The following SLC6A15 variants were observed in gnomAD, a reference collection of about 807,000 sequenced individuals.
SLC6A15 encodes the protein solute carrier family 6 member 15, also known as sodium-dependent neutral amino acid transporter B(0)AT2.
SLC6A15 carries 33 observed loss-of-function variants against 68.5 expected under a neutral mutation model. That is an observed-to-expected ratio of 0.48 (90% confidence interval 0.37 to 0.64). The LOEUF is 0.64. SLC6A15 is among the 30% of genes least tolerant of loss of function. SLC6A15 has a pLI of 0.00. For missense variants in SLC6A15, 747 were observed against 874.3 expected (o/e 0.85, Z 1.84); for synonymous variants, 347 against 301.0 (o/e 1.15, Z -1.58).
At chr12:84,874,554 C>A (rs748010187) in intron 6 of SLC6A15, 1 of 152,174 alleles carries the variant, frequency 6.6e-6, no homozygotes, top group Non-Finnish European at 1.5e-5. Flanking sequence ...AATCCATATT[C>A]TCTCAAACAA....
At chr12:84,863,400 A>T (rs201459067) in intron 11 of SLC6A15, 39 bp downstream of exon 11, 1 of 1,492,252 alleles carries the variant, frequency 6.7e-7, no homozygotes, top group Non-Finnish European at 8.9e-7. Flanking sequence ...AGCTTTTTAT[A>T]TATCTTTTAA....
intron 9 of SLC6A15, 145 bp from the exon 10 acceptor site, chr12:84,867,338 C>T (rs1867531644): frequency 1.9e-6 from 1 of 531,908 alleles, no homozygotes; most frequent in Non-Finnish European, 3.0e-6. Flanking sequence ...TGATACATGG[C>T]ATATAACCTA....
At chr12:84,906,727 C>T (rs1873176119) in intron 1 of SLC6A15, among the ~76,000 whole-genome samples, 1 of 152,042 alleles carries the variant, frequency 6.6e-6, no homozygotes, top group South Asian at 2.1e-4. Flanking sequence ...ATTGGACATC[C>T]CTAGGCAAAA....
intron 1 of SLC6A15, 128 bp downstream of exon 1, chr12:84,912,395 C>A (rs76107006): frequency 0.016 from 2,476 of 152,668 alleles, 90 homozygotes; most frequent in East Asian, 0.063. Context: ...CACCCCAGGA[C>A]GCAGCGAGTC....
chr12:84,904,498 T>A (rs1873048640), intron 1 of SLC6A15, among the ~76,000 whole-genome samples: 1 of 152,214 alleles, frequency 6.6e-6, no homozygotes, highest in African/African-American at 2.4e-5. Context: ...ATTACTTATG[T>A]ATTGGATTTA....
intron 11 of SLC6A15, 146 bp from the exon 12 acceptor site, chr12:84,862,152 C>G: frequency 1.3e-6 from 1 of 749,706 alleles, no homozygotes; most frequent in East Asian, 2.8e-5. Context: ...AGAAGTGACA[C>G]TCAGCAACTT....
intron 1 of SLC6A15, among the ~76,000 whole-genome samples, chr12:84,907,364 C>CA (rs113002334): frequency 3.8e-4 from 56 of 148,910 alleles, no homozygotes; most frequent in African/African-American, 9.9e-4. Context: ...AAACAAAAAA[C>CA]AAAAAAAAAC....
intron 1 of SLC6A15, among the ~76,000 whole-genome samples, chr12:84,907,396 A>T (rs930363086): frequency 6.6e-6 from 1 of 152,112 alleles, no homozygotes; most frequent in Non-Finnish European, 1.5e-5. Context: ...AAATAAAATA[A>T]GAAAACAGGT....
At chr12:84,871,519 A>G (rs1389060429) in intron 8 of SLC6A15, among the ~76,000 whole-genome samples, 4 of 152,140 alleles carry the variant, frequency 2.6e-5, no homozygotes, top group African/African-American at 9.7e-5. Flanking sequence ...ACTTTGTCTA[A>G]CTAACTGTAC....
At chr12:84,889,017 C>A (rs752507437) in intron 2 of SLC6A15, among the ~76,000 whole-genome samples, 13 of 152,152 alleles carry the variant, frequency 8.5e-5, no homozygotes, top group Non-Finnish European at 1.3e-4. Flanking sequence ...CCTTGAAGAT[C>A]CTCATTCCGG....
rs1321917284 is a variant in SLC6A15 at position 84,912,796 on chromosome 12, G to GT, written c.-463dup. On this transcript the variant is annotated 5_prime_UTR_variant, in exon 1 of 12. Coordinates refer to ENST00000266682, the MANE Select transcript of SLC6A15 (RefSeq NM_182767.6). ...CGGGTGCGGGTGCGCGTGTACATGC[G>GT]TATGTGTGTGTGCGCGCGCGCGTGT... is the stretch of plus-strand genomic sequence containing the variant. 6.5e-6 allele frequency: 1 copy of GT among 153,184 alleles called. No individual in the cohort carries two copies. The highest frequency in any genetic ancestry group is 2.4e-5 in the African/African-American group (1 of 41,432). The allele number at this position is 153,184 out of a possible 1,614,324, so 9.5% of individuals were successfully genotyped here. A position where few individuals can be genotyped will look rare whatever the true frequency, so the allele number is the denominator to read the frequency against.
At chr12:84,902,733 T>A (rs1872943613) in intron 1 of SLC6A15, among the ~76,000 whole-genome samples, 1 of 152,036 alleles carries the variant, frequency 6.6e-6, no homozygotes, top group African/African-American at 2.4e-5. Context: ...GTGAAAACAA[T>A]ATAAAAATGC....
intron 1 of SLC6A15, among the ~76,000 whole-genome samples, chr12:84,897,943 T>C (rs1042989739): frequency 6.6e-6 from 1 of 151,996 alleles, no homozygotes; most frequent in African/African-American, 2.4e-5. Context: ...GGGACAATTG[T>C]GAATTAAATT....
chr12:84,874,748 G>A (rs532491126), intron 6 of SLC6A15, among the ~76,000 whole-genome samples: 1 of 152,076 alleles, frequency 6.6e-6, no homozygotes, highest in East Asian at 1.9e-4. Context: ...CCACTAGATG[G>A]CAGAAAAGAC....
At position 84,891,956 on chromosome 12, in the gene SLC6A15, A is replaced by G; in HGVS notation, c.165T>C (p.Ser55=). 2 of 1,614,038 alleles carry G rather than the reference A, an allele frequency of 1.2e-6. No homozygotes were observed. The highest frequency in any genetic ancestry group is 1.7e-6 in the Non-Finnish European group (2 of 1,180,004). ...EEKDTDVEEG[S]EVEDERPAWN... is the part of the protein sequence containing the mutation. ...AAGCTGGTCTTTCATCTTCGACTTC[A>G]GATCCTTCTTCAACATCTGTATCTT... The change falls in exon 2 of 12, where the codon TCT becomes TCC. Residue 55 remains serine (S), a synonymous_variant. Coordinates refer to ENST00000266682, the MANE Select transcript of SLC6A15 (RefSeq NM_182767.6).
At chr12:84,900,958 AT>A (rs1872839569) in intron 1 of SLC6A15, among the ~76,000 whole-genome samples, 1 of 145,970 alleles carries the variant, frequency 6.9e-6, no homozygotes, top group African/African-American at 2.5e-5. Context: ...AGATATGTAT[AT>A]ATATACATAC....
Position 84,885,971 on chromosome 12 carries a change from G to A in SLC6A15, c.387C>T (p.Ser129=), listed in dbSNP as rs754406059. 1 of 1,613,002 alleles carries A rather than the reference G, an allele frequency of 6.2e-7. No homozygotes were observed. The highest frequency in any genetic ancestry group is 1.3e-5 in the African/African-American group (1 of 74,814). Residue 129 remains serine (S), a synonymous_variant, in exon 3 of 12, where the codon AGC becomes AGT. Transcript: ENST00000266682. ...GGCTTATGTAATTCCATACACCAAT[G>A]CTGCCTCGCCGAATTCTTTGACCCA... The part of the protein sequence containing the change: ...LSVGQRIRRG[S]IGVWNYISPK...
chr12:84,867,723 TAACCTC>T (rs1663724444), intron 9 of SLC6A15: 1 of 152,182 alleles, frequency 6.6e-6, no homozygotes, highest in Admixed American at 6.6e-5. Flanking sequence ...TGACCAGACT[TAACCTC>T]AGCAACAATC....
At chr12:84,881,528 T>C in intron 5 of SLC6A15, 1 of 985,404 alleles carries the variant, frequency 1.0e-6, no homozygotes, top group Non-Finnish European at 1.2e-6. Context: ...GATATGTGCC[T>C]ACCTAGCCCA....
Sources: gnomAD v4.1 joint callset for allele counts (sites outside exome capture counted in the v4.1 genomes callset) on GRCh38, gnomAD v4.1.1 for gene constraint, MANE v1.5 for transcripts, NCBI Gene and HGNC (gene_info 2026-07-23, HGNC 2026-07-21) for gene names.